Variants in COL4A2 observed in about 807,000 individuals in gnomAD.
The protein encoded by COL4A2 is collagen alpha-2(IV) chain.
In COL4A2, 99 loss-of-function variants were observed where a neutral mutation model predicts 200.2. The ratio of observed to expected loss-of-function variants is 0.49; its 90% CI spans 0.42 to 0.58. COL4A2 has a LOEUF of 0.58. Among genes scored for constraint, COL4A2 ranks in the 20% least tolerant of loss-of-function variants. COL4A2 has a pLI of 0.00. For synonymous variants in COL4A2, 897 were observed against 900.6 expected, an observed-to-expected ratio of 1.00 and a Z score of 0.07; for missense variants, 1,950 against 2,314.1, an observed-to-expected ratio of 0.84 and a Z score of 3.23.
At chr13:110,371,475 C>T (rs748883776) in intron 4 of COL4A2, among the ~76,000 whole-genome samples, 1 of 152,150 alleles carries the variant, frequency 6.6e-6, no homozygotes, top group African/African-American at 2.4e-5. Context: ...TCTTTTCAAC[C>T]TCCAGTGCTC....
intron 17 of COL4A2, among the ~76,000 whole-genome samples, chr13:110,446,105 G>A (rs1035714238): frequency 6.6e-6 from 1 of 152,236 alleles, no homozygotes; most frequent in African/African-American, 2.4e-5. Context: ...TCAGGGCCAC[G>A]TAGGGGTGCG....
At chr13:110,393,615 A>T (rs1879073944) in intron 4 of COL4A2, among the ~76,000 whole-genome samples, 10 of 151,244 alleles carry the variant, frequency 6.6e-5, no homozygotes, top group Admixed American at 6.6e-4. Flanking sequence ...CCGGTGGCTC[A>T]CACCTGTAAT....
intron 4 of COL4A2, among the ~76,000 whole-genome samples, chr13:110,387,879 T>C (rs1024704278): frequency 6.6e-6 from 1 of 152,194 alleles, no homozygotes; most frequent in African/African-American, 2.4e-5. Context: ...TGGCTGTGCC[T>C]GGGTTTGGGA....
chr13:110,501,593 G>A, intron 40 of COL4A2, 75 bp from the exon 41 acceptor site: 1 of 1,253,756 alleles, frequency 8.0e-7, no homozygotes, highest in Non-Finnish European at 1.2e-6. Flanking sequence ...ACAGGTGATG[G>A]TGTGGAGGGA....
intron 45 of COL4A2, among the ~76,000 whole-genome samples, chr13:110,504,883 C>T (rs1436069306): frequency 6.6e-6 from 1 of 151,834 alleles, no homozygotes; most frequent in East Asian, 1.9e-4. Flanking sequence ...GCTGGGATTA[C>T]AGGTGTAAGT....
chr13:110,457,852 C>T (rs1419881843), intron 21 of COL4A2: 2 of 453,702 alleles, frequency 4.4e-6, no homozygotes, highest in East Asian at 7.0e-5. Flanking sequence ...AGTCACCATC[C>T]CTGGTCCTAC....
At chr13:110,408,812 T>C (rs61963207) in intron 4 of COL4A2, among the ~76,000 whole-genome samples, 13,096 of 83,978 alleles carry the variant, frequency 0.16, 429 homozygotes, top group East Asian at 0.36. Flanking sequence ...CACATATATA[T>C]ACACACACAC....
intron 11 of COL4A2, among the ~76,000 whole-genome samples, chr13:110,433,200 C>T (rs181919068): frequency 6.6e-6 from 1 of 152,336 alleles, no homozygotes; most frequent in East Asian, 1.9e-4. Flanking sequence ...ACACAGCTTC[C>T]GGTTGGCTGG....
At chr13:110,472,591 C>T (rs1368487544) in intron 28 of COL4A2, among the ~76,000 whole-genome samples, 2 of 152,034 alleles carry the variant, frequency 1.3e-5, no homozygotes, top group African/African-American at 2.4e-5. Flanking sequence ...TAGAAGGTCC[C>T]ACAAAAAGCT....
At chr13:110,415,847 C>T (rs1347314597) in intron 4 of COL4A2, among the ~76,000 whole-genome samples, 2 of 152,216 alleles carry the variant, frequency 1.3e-5, no homozygotes, top group Non-Finnish European at 2.9e-5. Flanking sequence ...CTGCTTACTA[C>T]CTGCAGAGGC....
At position 110,403,383 on chromosome 13, in the gene COL4A2, A is replaced by G. The variant is rs146961009; in HGVS notation, c.181-21351A>G. On this transcript the variant is annotated intron_variant, in intron 4 of 47. Coordinates refer to ENST00000360467, the MANE Select transcript of COL4A2 (RefSeq NM_001846.4). The stretch of plus-strand genomic sequence containing the variant: ...AGATATTTCTTCTGCCAAATATCCT[A>G]TTTTATGGCTCAGAAGTCTACCTTC... Among the ~76,000 whole-genome samples the G allele has an allele frequency of 3.3e-5, 5 of 152,318 alleles. No homozygotes were observed. In the East Asian group the frequency reaches 5.8e-4, roughly 18 times the overall value.
At chr13:110,380,277 A>C (rs553737231) in intron 4 of COL4A2, among the ~76,000 whole-genome samples, 2 of 152,332 alleles carry the variant, frequency 1.3e-5, no homozygotes, top group African/African-American at 4.8e-5. Context: ...AGGGTCGAAC[A>C]GAGAATTTTA....
intron 19 of COL4A2, 106 bp from the exon 20 acceptor site, chr13:110,450,199 G>A (rs867577732): frequency 5.5e-6 from 5 of 906,396 alleles, no homozygotes; most frequent in South Asian, 3.0e-5. Context: ...TATTGACGGG[G>A]CCATGAAGCC....
chr13:110,386,849 C>T (rs745413911), intron 4 of COL4A2, among the ~76,000 whole-genome samples: 6 of 152,160 alleles, frequency 3.9e-5, no homozygotes, highest in Non-Finnish European at 7.4e-5. Context: ...ACCCAGGCTG[C>T]TGGCCATCCC....
At chr13:110,396,722 C>T (rs1879194046) in intron 4 of COL4A2, among the ~76,000 whole-genome samples, 1 of 149,974 alleles carries the variant, frequency 6.7e-6, no homozygotes, top group Non-Finnish European at 1.5e-5. Context: ...CTAGAAATGA[C>T]TAAGCGGACC....
At chr13:110,376,475 C>A (rs987179230) in intron 4 of COL4A2, among the ~76,000 whole-genome samples, 2 of 151,404 alleles carry the variant, frequency 1.3e-5, no homozygotes, top group Non-Finnish European at 2.9e-5. Context: ...TTAGCCCCCC[C>A]ACCCAAAAAA....
At chr13:110,442,833 AG>A (rs1483492708) in intron 16 of COL4A2, among the ~76,000 whole-genome samples, 2 of 149,956 alleles carry the variant, frequency 1.3e-5, no homozygotes, top group Non-Finnish European at 2.9e-5. Context: ...ATAACTCCAC[AG>A]AGTTATTTTA....
In COL4A2 at chr13:110,501,792, G is replaced by A. The variant is rs768401569; in HGVS notation, c.3877+8G>A. ...GGATATTTGGCCTGAAAGGTAAGCA[G>A]GACTTATACATCTGTGCTTCGACAT... On this transcript the variant is annotated splice_region_variant and intron_variant, in intron 41 of 47. Coordinates refer to ENST00000360467, the MANE Select transcript of COL4A2 (RefSeq NM_001846.4). The A allele has an allele frequency of 5.0e-6, 8 of 1,612,212 alleles. No homozygotes were observed. Among genetic ancestry groups the A allele is most frequent in the Non-Finnish European group, 5.9e-6 (7 of 1,178,754 alleles).
At chr13:110,331,861 A>G (rs181903031) in intron 3 of COL4A2, among the ~76,000 whole-genome samples, 8 of 152,168 alleles carry the variant, frequency 5.3e-5, no homozygotes, top group East Asian at 3.9e-4. Flanking sequence ...GTCATTTTCC[A>G]TACCCACTTG....
Sources: gnomAD v4.1 joint callset for allele counts (sites outside exome capture counted in the v4.1 genomes callset) on GRCh38, gnomAD v4.1.1 for gene constraint, MANE v1.5 for transcripts, NCBI Gene and HGNC (gene_info 2026-07-23, HGNC 2026-07-21) for gene names.